Variants in DENND4A observed in about 807,000 individuals in gnomAD.
DENND4A encodes the protein C-myc promoter-binding protein.
In DENND4A, 70 loss-of-function variants were observed where a neutral mutation model predicts 199.3. The observed-to-expected ratio is 0.35, with a 90% CI of 0.29 to 0.43. The LOEUF (loss-of-function observed/expected upper bound fraction) is 0.43, where lower values mean the gene tolerates loss of function less well. Ranked by LOEUF, DENND4A falls within the 20% of genes least tolerant of loss-of-function variation. DENND4A has a pLI of 1.00. For synonymous variants in DENND4A, 686 were observed against 766.9 expected, an observed-to-expected ratio of 0.89 and a Z score of 1.74; for missense variants, 1,723 against 2,255.8, an observed-to-expected ratio of 0.76 and a Z score of 4.78.
At chr15:65,757,274 G>A (rs969314574) in intron 2 of DENND4A, among the ~76,000 whole-genome samples, 2 of 140,436 alleles carry the variant, frequency 1.4e-5, no homozygotes, top group African/African-American at 2.6e-5. Flanking sequence ...GGGGGGGGGG[G>A]GTCTCACTAT....
intron 1 of DENND4A, among the ~76,000 whole-genome samples, chr15:65,778,553 A>G (rs1282706250): frequency 6.6e-6 from 1 of 152,064 alleles, no homozygotes; most frequent in East Asian, 1.9e-4. Flanking sequence ...TAAAACCAAT[A>G]TCACAATAAA....
chr15:65,667,425 G>A (rs1434870021), intron 29 of DENND4A, 24 bp downstream of exon 29: 2 of 1,607,696 alleles, frequency 1.2e-6, no homozygotes, highest in Non-Finnish European at 1.7e-6. Context: ...AGCATTCATT[G>A]CCTTTTAATT....
In DENND4A at chr15:65,660,251, T is replaced by C; in HGVS notation, c.*1600A>G. 1 of 1,528,252 alleles carries C rather than the reference T, an allele frequency of 6.5e-7. No individual in the cohort carries two copies. Among genetic ancestry groups the C allele is most frequent in the Non-Finnish European group, 8.8e-7 (1 of 1,140,234 alleles). The allele number at this position is 1,528,252 out of a possible 1,614,324, so 94.7% of individuals were successfully genotyped here. ...GCCCCAAACTAACTGAAGTTTTACA[T>C]TTTTAAACTCTCTCCATTATTTCCC... On this transcript the variant is annotated 3_prime_UTR_variant, in exon 33 of 33. Transcript: ENST00000443035.
At chr15:65,789,615 A>G (rs2077661393) in intron 1 of DENND4A, among the ~76,000 whole-genome samples, 1 of 152,158 alleles carries the variant, frequency 6.6e-6, no homozygotes. Context: ...CTCTGACATC[A>G]GAGAAGGCAA....
chr15:65,734,072 T>C (rs1320028895), intron 7 of DENND4A, among the ~76,000 whole-genome samples: 1 of 152,122 alleles, frequency 6.6e-6, no homozygotes, highest in African/African-American at 2.4e-5. Context: ...CCGACACCTG[T>C]AAAGGGTCTG....
chr15:65,729,487 CTAAGTT>C, intron 10 of DENND4A, 41 bp downstream of exon 10: 1 of 1,553,066 alleles, frequency 6.4e-7, no homozygotes, highest in Non-Finnish European at 8.7e-7. Flanking sequence ...TATAAATAAA[CTAAGTT>C]TAAACTAAAT....
At chr15:65,723,849 C>T (rs1243851774) in intron 11 of DENND4A, among the ~76,000 whole-genome samples, 1 of 152,128 alleles carries the variant, frequency 6.6e-6, no homozygotes, top group Non-Finnish European at 1.5e-5. Context: ...TAGTTGGCCA[C>T]AGATAACTGA....
intron 1 of DENND4A, among the ~76,000 whole-genome samples, chr15:65,782,811 T>C (rs1029599233): frequency 6.6e-6 from 1 of 152,218 alleles, no homozygotes; most frequent in African/African-American, 2.4e-5. Flanking sequence ...TGCAGTAATC[T>C]TAATGCTCTA....
chr15:65,677,176 G>A (rs1040575628), intron 23 of DENND4A, among the ~76,000 whole-genome samples: 2 of 152,230 alleles, frequency 1.3e-5, no homozygotes, highest in South Asian at 2.1e-4. Context: ...ACATAAAAAT[G>A]TTATGTGTGT....
intron 14 of DENND4A, among the ~76,000 whole-genome samples, chr15:65,707,546 AAAT>A (rs1231075436): frequency 1.5e-4 from 23 of 152,344 alleles, no homozygotes; most frequent in African/African-American, 5.5e-4. Context: ...CTCTTGGATT[AAAT>A]AATGTTTTTA....
chr15:65,676,004 GA>G (rs200402722), intron 24 of DENND4A, among the ~76,000 whole-genome samples: 1,651 of 151,758 alleles, frequency 0.011, 19 homozygotes, highest in African/African-American at 0.038. Flanking sequence ...CTATATAGCT[GA>G]AAAAATGAAT....
intron 3 of DENND4A, among the ~76,000 whole-genome samples, chr15:65,752,849 T>G (rs899021758): frequency 3.3e-5 from 5 of 152,204 alleles, no homozygotes; most frequent in African/African-American, 1.2e-4. Flanking sequence ...ATTGTGTTTG[T>G]TAATATAAAC....
intron 24 of DENND4A, among the ~76,000 whole-genome samples, chr15:65,672,526 G>C (rs2076246430): frequency 6.6e-6 from 1 of 151,864 alleles, no homozygotes; most frequent in African/African-American, 2.4e-5. Context: ...AGCTACTTGG[G>C]AGACTGGGGT....
intron 25 of DENND4A, 49 bp from the exon 26 acceptor site, chr15:65,670,237 A>C: frequency 2.2e-6 from 3 of 1,358,174 alleles, no homozygotes; most frequent in Non-Finnish European, 2.9e-6. Context: ...AATTCAGATT[A>C]TGAATTAAAA....
chr15:65,695,934 C>T (rs1230327222), intron 22 of DENND4A, among the ~76,000 whole-genome samples: 1 of 151,738 alleles, frequency 6.6e-6, no homozygotes, highest in Non-Finnish European at 1.5e-5. Context: ...ATAAGAAGAC[C>T]GTGAAAAGAA....
At chr15:65,725,387 A>G (rs955970824) in intron 11 of DENND4A, among the ~76,000 whole-genome samples, 2 of 152,120 alleles carry the variant, frequency 1.3e-5, no homozygotes, top group African/African-American at 2.4e-5. Flanking sequence ...GTTAATAAGA[A>G]CTACCTCGGC....
chr15:65,758,255 T>C (rs1467826671), intron 2 of DENND4A, among the ~76,000 whole-genome samples: 4 of 152,196 alleles, frequency 2.6e-5, no homozygotes, highest in Non-Finnish European at 5.9e-5. Flanking sequence ...ATACACAAAA[T>C]AGAATCTATC....
In DENND4A at chr15:65,738,835, G is replaced by A. The variant is rs1185766881; in HGVS notation, c.672C>T (p.Phe224=). 1.2e-6 allele frequency: 2 copies of A among 1,608,632 alleles called. No individual in the cohort carries two copies. The highest frequency in any genetic ancestry group is 1.7e-6 in the Non-Finnish European group (2 of 1,177,976). ...CRYPQEDYES[F]SLPESVPLFC... ...ATAGAGGAACAGATTCCGGTAGTGA[G>A]AATGACTCATAATCTTCTTGAGGAT... Residue 224 remains phenylalanine (F), a synonymous_variant, in exon 6 of 33, where the codon TTC becomes TTT. Coordinates refer to ENST00000443035, the MANE Select transcript of DENND4A (RefSeq NM_001320835.1).
chr15:65,788,094 T>C (rs926495989), intron 1 of DENND4A, among the ~76,000 whole-genome samples: 1 of 151,902 alleles, frequency 6.6e-6, no homozygotes, highest in Non-Finnish European at 1.5e-5. Context: ...TTTTTTTTTT[T>C]GAGACAGAGT....
Sources: gnomAD v4.1 joint callset for allele counts (sites outside exome capture counted in the v4.1 genomes callset) on GRCh38, gnomAD v4.1.1 for gene constraint, MANE v1.5 for transcripts, NCBI Gene and HGNC (gene_info 2026-07-23, HGNC 2026-07-21) for gene names.